Variants in CCDC144A observed in about 807,000 individuals in gnomAD.
CCDC144A encodes the protein coiled-coil domain-containing protein 144A.
In CCDC144A, 41 loss-of-function variants were observed where a neutral mutation model predicts 143.8. The ratio of observed to expected loss-of-function variants is 0.29; its 90% confidence interval spans 0.22 to 0.37. CCDC144A has a LOEUF of 0.37. Among genes scored for constraint, CCDC144A ranks in the 10% least tolerant of loss-of-function variants. The pLI, the probability that CCDC144A is intolerant of heterozygous loss-of-function variation, is 1.00. For missense variants in CCDC144A, 637 were observed against 1,488.8 expected (o/e 0.43, Z 9.41); for synonymous variants, 242 against 517.9 (o/e 0.47, Z 7.23).
intron 2 of CCDC144A, among the ~76,000 whole-genome samples, chr17:16,697,791 A>G (rs1433536804): frequency 1.3e-5 from 2 of 152,242 alleles, no homozygotes; most frequent in Non-Finnish European, 2.9e-5. Context: ...TAGTGGAAAT[A>G]TAAAGCAGAT....
At chr17:16,711,143 A>AAAAAAAAAAAAC (rs1567589685) in intron 5 of CCDC144A, among the ~76,000 whole-genome samples, 5 of 135,092 alleles carry the variant, frequency 3.7e-5, no homozygotes, top group African/African-American at 1.1e-4. Flanking sequence ...AATGAAAAAA[A>AAAAAAAAAAAAC]AAAAAAAAAA....
chr17:16,671,649 T>C, the CCDC144A span, among the ~76,000 whole-genome samples: 1 of 152,034 alleles, frequency 6.6e-6, no homozygotes, highest in African/African-American at 2.4e-5. Flanking sequence ...TGTGGAGACA[T>C]ATTGGTCCCT....
intron 3 of CCDC144A, chr17:16,706,280 A>T (rs1410315545): frequency 3.4e-5 from 5 of 145,982 alleles, no homozygotes; most frequent in Admixed American, 3.4e-4. Flanking sequence ...TTCGCTAGGG[A>T]TGTTGGTTTT....
chr17:16,687,082 C>T (rs1354224667), upstream of CCDC144A, among the ~76,000 whole-genome samples: 2 of 152,204 alleles, frequency 1.3e-5, no homozygotes, highest in Non-Finnish European at 2.9e-5. Context: ...TTTCTATACT[C>T]AGCAGAGTGT....
At chr17:16,739,774 T>C (rs562734458) in intron 12 of CCDC144A, among the ~76,000 whole-genome samples, 2 of 152,270 alleles carry the variant, frequency 1.3e-5, no homozygotes, top group South Asian at 4.1e-4. Flanking sequence ...TGTCTATCCT[T>C]ATGCCAGTAG....
upstream of CCDC144A, among the ~76,000 whole-genome samples, chr17:16,686,878 G>GC (rs1910804815): frequency 6.6e-6 from 1 of 151,970 alleles, no homozygotes; most frequent in African/African-American, 2.4e-5. Context: ...GCAGGAATAG[G>GC]CCTTCTAGCA....
At chr17:16,710,521 A>AT (rs1054962209) in intron 5 of CCDC144A, among the ~76,000 whole-genome samples, 2 of 152,082 alleles carry the variant, frequency 1.3e-5, no homozygotes, top group Admixed American at 6.6e-5. Flanking sequence ...CACTTTAAAT[A>AT]TTTTTCAACA....
intron 8 of CCDC144A, among the ~76,000 whole-genome samples, chr17:16,724,787 ATTTTTTTTTTTTTT>A (rs760344292): frequency 2.8e-4 from 10 of 35,112 alleles, no homozygotes; most frequent in South Asian, 2.7e-3. Context: ...GATTAACTGA[ATTTTTTTTTTTTTT>A]TTTTTTTTTT....
At chr17:16,688,648 C>G (rs897860419), upstream of CCDC144A, among the ~76,000 whole-genome samples, 5 of 151,708 alleles carry the variant, frequency 3.3e-5, no homozygotes, top group Non-Finnish European at 5.9e-5. Flanking sequence ...GCCAGCACGC[C>G]CAACTAATTT....
intron 8 of CCDC144A, 142 bp downstream of exon 8, chr17:16,720,800 C>A: frequency 1.4e-6 from 2 of 1,397,628 alleles, no homozygotes; most frequent in African/African-American, 1.5e-5. Context: ...TTATACTCTA[C>A]GCCAAAGAGC....
chr17:16,745,834 C>A (rs1914475391), intron 12 of CCDC144A: 1 of 1,605,236 alleles, frequency 6.2e-7, no homozygotes, highest in African/African-American at 1.3e-5. Flanking sequence ...CTCTCCATGG[C>A]CTCCCCCGGA....
At chr17:16,729,604 G>C (rs1348874671) in intron 9 of CCDC144A, among the ~76,000 whole-genome samples, 1 of 152,042 alleles carries the variant, frequency 6.6e-6, no homozygotes, top group African/African-American at 2.4e-5. Context: ...TGCCCAGGCT[G>C]GAGTATAATG....
In CCDC144A at chr17:16,690,522, C is replaced by G. The variant is rs776670944; in HGVS notation, c.122C>G (p.Pro41Arg). The G allele has an allele frequency of 6.2e-7, 1 of 1,611,254 alleles. No individual in the cohort carries two copies. Among genetic ancestry groups the G allele is most frequent in the Admixed American group, 1.7e-5 (1 of 59,986 alleles). Residue 41 changes from proline to arginine, a missense_variant, in exon 1 of 17, where the codon CCG becomes CGG. By Grantham distance (103) the Pro-to-Arg change is moderately radical. Coordinates refer to ENST00000399273, the MANE Select transcript of CCDC144A (RefSeq NM_001382000.1). ...SQGDQWYLGY[P>R]GDQWSSGFPY... ...GGGGACCAGTGGTACTTGGGCTACC[C>G]GGGGGACCAGTGGTCCTCGGGCTTC...
At chr17:16,746,367 C>A (rs1914519086) in intron 12 of CCDC144A, 15 of 1,302,234 alleles carry the variant, frequency 1.2e-5, no homozygotes, top group Non-Finnish European at 1.5e-5. Flanking sequence ...TCTCGCTTCT[C>A]TTCTCGAATT....
chr17:16,762,821 G>C (rs2143377692), intron 14 of CCDC144A, among the ~76,000 whole-genome samples: 1 of 151,920 alleles, frequency 6.6e-6, no homozygotes, highest in African/African-American at 2.4e-5. Context: ...TTCTTATATA[G>C]TTAACCTGAT....
chr17:16,747,784 G>A (rs1283139191), intron 12 of CCDC144A, among the ~76,000 whole-genome samples: 2 of 152,084 alleles, frequency 1.3e-5, no homozygotes. Flanking sequence ...TGATTTTTGT[G>A]TCCTGACTGA....
intron 7 of CCDC144A, 59 bp downstream of exon 7, chr17:16,720,290 T>G (rs1913016799): frequency 6.6e-7 from 1 of 1,512,474 alleles, no homozygotes; most frequent in Non-Finnish European, 8.8e-7. Flanking sequence ...TTCTAAAAGG[T>G]AAAAATGAAA....
intron 6 of CCDC144A, among the ~76,000 whole-genome samples, chr17:16,718,523 T>C (rs2143170520): frequency 6.6e-6 from 1 of 152,226 alleles, no homozygotes; most frequent in Non-Finnish European, 1.5e-5. Flanking sequence ...AGTTTGTTCC[T>C]TCAGCATTGG....
At chr17:16,667,285 G>GAGGCTGAGGCGGCTGAGGA in the CCDC144A span, among the ~76,000 whole-genome samples, 4 of 125,560 alleles carry the variant, frequency 3.2e-5, no homozygotes, top group Admixed American at 8.2e-5. Flanking sequence ...AGGGGCTGAG[G>GAGGCTGAGGCGGCTGAGGA]GGTTGAGGCG....
Sources: gnomAD v4.1 joint callset for allele counts (sites outside exome capture counted in the v4.1 genomes callset) on GRCh38, gnomAD v4.1.1 for gene constraint, MANE v1.5 for transcripts, NCBI Gene and HGNC (gene_info 2026-07-23, HGNC 2026-07-21) for gene names.